Variants in NCOR2 observed in about 807,000 individuals in gnomAD.
The protein encoded by NCOR2 is CTG repeat protein 26.
In NCOR2, 81 loss-of-function variants were observed where a neutral mutation model predicts 262.9. The observed-to-expected ratio is 0.31, with a 90% CI of 0.26 to 0.37. The LOEUF (loss-of-function observed/expected upper bound fraction) is 0.37, where lower values mean the gene tolerates loss of function less well. Among genes scored for constraint, NCOR2 ranks in the 10% least tolerant of loss-of-function variants. The pLI is 1.00. For missense variants in NCOR2, 3,385 were observed against 3,621.4 expected (o/e 0.93, Z 1.68); for synonymous variants, 1,659 against 1,559.3 (o/e 1.06, Z -1.51).
At chr12:124,501,793 C>A (rs1409068541) in intron 1 of NCOR2, among the ~76,000 whole-genome samples, 1 of 152,230 alleles carries the variant, frequency 6.6e-6, no homozygotes, top group Non-Finnish European at 1.5e-5. Flanking sequence ...AGAACACTAC[C>A]TACTTCAGGA....
In NCOR2 at chr12:124,402,699, A is replaced by G. The variant is rs2042048946; in HGVS notation, c.1483-138T>C. On this transcript the variant is annotated intron_variant, in intron 13 of 46. Coordinates refer to ENST00000405201, the Ensembl canonical transcript of NCOR2. ...GGAGTCCACCCAGAAGAGGTCATAAACAACCGGGAAGCCAGGCCCCACTGG... is the reference window on the plus strand; with the variant it reads ...GGAGTCCACCCAGAAGAGGTCATAAGCAACCGGGAAGCCAGGCCCCACTGG... The G allele has an allele frequency of 5.5e-6, 8 of 1,461,400 alleles. No individual in the cohort carries two copies. The East Asian group carries it at 2.0e-4, about 36-fold the overall frequency. 90.5% of individuals were successfully genotyped at this position (1,461,400 alleles called of 1,614,324 possible).
chr12:124,451,152 G>C (rs2045501859), intron 6 of NCOR2, among the ~76,000 whole-genome samples: 1 of 152,250 alleles, frequency 6.6e-6, no homozygotes, highest in African/African-American at 2.4e-5. Flanking sequence ...GCCTAGCCTG[G>C]CCTGCAGGAA....
upstream of NCOR2, chr12:124,495,425 G>A (rs537779594): frequency 2.8e-5 from 37 of 1,307,018 alleles, 1 homozygote; most frequent in Middle Eastern, 2.8e-4. This position sits in a 1 kb window ranked among gnomAD's most constrained non-coding sequence, Gnocchi z 4.4. Flanking sequence ...TGGCTCCTCC[G>A]TGCACAGGTC....
intron 29 of NCOR2, 102 bp from the exon 32 acceptor site, chr12:124,348,013 TGATGGTGGAGTAG>T: frequency 6.9e-7 from 1 of 1,459,524 alleles, no homozygotes; most frequent in Non-Finnish European, 9.3e-7. Flanking sequence ...ATCCCCACGA[TGATGGTGGAGTAG>T]GACCCAGCAC....
In NCOR2 at chr12:124,454,734, A is replaced by G. The variant is rs1317881248; in HGVS notation, c.762+2372T>C. ...ACGGCCACTTTTCGGCCACTTTGGA[A>G]AACAGTTGGGCAGTTCCTCAAGGGG... On this transcript the variant is annotated intron_variant, in intron 6 of 46. Coordinates refer to ENST00000405201, the Ensembl canonical transcript of NCOR2. The surrounding 1 kb of genome is among the most constrained non-coding windows in gnomAD (Gnocchi z 5.6). Among the ~76,000 whole-genome samples, 5 of 151,674 alleles carry G rather than the reference A, an allele frequency of 3.3e-5. No homozygotes were observed. Among genetic ancestry groups the G allele is most frequent in the Admixed American group, 2.6e-4 (4 of 15,244 alleles).
intron 18 of NCOR2, among the ~76,000 whole-genome samples, chr12:124,375,685 G>T (rs1162172234): frequency 1.3e-5 from 2 of 152,146 alleles, no homozygotes; most frequent in African/African-American, 4.8e-5. Flanking sequence ...TTTGAACCCC[G>T]GTCACCAAAT....
intron 13 of NCOR2, among the ~76,000 whole-genome samples, chr12:124,414,022 C>G (rs1335330545): frequency 1.3e-5 from 2 of 152,072 alleles, no homozygotes; most frequent in Admixed American, 1.3e-4. Context: ...CAGCATCCGA[C>G]TCCCCACTGA....
At chr12:124,414,413 C>T (rs527590340) in intron 13 of NCOR2, among the ~76,000 whole-genome samples, 28 of 152,330 alleles carry the variant, frequency 1.8e-4, no homozygotes, top group African/African-American at 5.1e-4. Flanking sequence ...TCACCATCAT[C>T]GCCATCGCCA....
chr12:124,343,471 C>T (rs1270443429), intron 32 of NCOR2, among the ~76,000 whole-genome samples: 1 of 152,206 alleles, frequency 6.6e-6, no homozygotes, highest in African/African-American at 2.4e-5. Context: ...GCCTCTACTA[C>T]GTGGCAAGCA....
chr12:124,349,558 A>G (rs1264647623), intron 28 of NCOR2, among the ~76,000 whole-genome samples: 1 of 152,098 alleles, frequency 6.6e-6, no homozygotes, highest in East Asian at 1.9e-4. Flanking sequence ...GTGAGCAGGC[A>G]CCACAGTCCT....
chr12:124,337,866 G>C (rs2036024884), intron 37 of NCOR2, among the ~76,000 whole-genome samples: 1 of 152,214 alleles, frequency 6.6e-6, no homozygotes, highest in Non-Finnish European at 1.5e-5. Context: ...CGTTTCCATG[G>C]GGGCACCCCC....
chr12:124,506,816 G>A (rs1484826058), intron 1 of NCOR2, among the ~76,000 whole-genome samples: 2 of 152,200 alleles, frequency 1.3e-5, no homozygotes, highest in Non-Finnish European at 2.9e-5. Context: ...CACCAGCTGT[G>A]TAACCTGGGC....
chr12:124,460,428 A>G (rs1361361820), intron 5 of NCOR2, among the ~76,000 whole-genome samples: 5 of 152,192 alleles, frequency 3.3e-5, no homozygotes, highest in African/African-American at 1.2e-4. Context: ...CAGGACCAGA[A>G]GAGGCCAGCG....
rs372822014 is a variant in NCOR2 at position 124,353,947 on chromosome 12, G to C, written c.3693+146C>G. 27 of 745,906 alleles carry C rather than the reference G, an allele frequency of 3.6e-5. No individual in the cohort carries two copies. In the African/African-American group the frequency reaches 4.5e-4, roughly 12 times the overall value. 46.2% of individuals were successfully genotyped at this position (745,906 alleles called of 1,614,324 possible). On this transcript the variant is annotated intron_variant, in intron 27 of 46. Coordinates refer to ENST00000405201, the Ensembl canonical transcript of NCOR2. The stretch of plus-strand genomic sequence containing the variant: ...CCAGTGCCTGATTCCATGCAGACTA[G>C]ATGAAAGTTCATGGAGTGAACTGCT...
chr12:124,392,571 A>T (rs1281752429), intron 16 of NCOR2, among the ~76,000 whole-genome samples: 1 of 151,986 alleles, frequency 6.6e-6, no homozygotes, highest in Non-Finnish European at 1.5e-5. Context: ...GCAGACCCAA[A>T]CCCAGGAGCA....
At position 124,549,508 on chromosome 12, in the gene NCOR2, GCA is replaced by G. The variant is rs2051645863; in HGVS notation, c.-164-13899_-164-13898del. Among the ~76,000 whole-genome samples the G allele has an allele frequency of 6.6e-6, 1 of 152,050 alleles. No homozygotes were observed. Among genetic ancestry groups the G allele is most frequent in the Non-Finnish European group, 1.5e-5 (1 of 67,986 alleles). On this transcript the variant is annotated intron_variant, in intron 1 of 32. Transcript: ENST00000458234. This position sits in a 1 kb window ranked among gnomAD's most constrained non-coding sequence, Gnocchi z 4.4. The stretch of plus-strand genomic sequence containing the variant: ...TAGAAACCCCCACCCGCGAGGCCAG[GCA>G]CAGAGAAGGTACCAAGGGCTTCTGC...
chr12:124,476,984 G>A (rs1205691308), intron 3 of NCOR2, among the ~76,000 whole-genome samples: 1 of 151,728 alleles, frequency 6.6e-6, no homozygotes, highest in Non-Finnish European at 1.5e-5. Flanking sequence ...CTGAGTGGAA[G>A]TGGACAGACA....
intron 7 of NCOR2, among the ~76,000 whole-genome samples, chr12:124,439,769 C>T (rs935761707): frequency 1.5e-4 from 22 of 151,432 alleles, no homozygotes; most frequent in Non-Finnish European, 1.9e-4. Context: ...CACAGAGAGA[C>T]AAGATCCAAA....
chr12:124,398,005 C>T, intron 16 of NCOR2, 114 bp downstream of exon 18: 1 of 1,212,994 alleles, frequency 8.2e-7, no homozygotes, highest in South Asian at 1.2e-5. Context: ...TCACCAGAGG[C>T]CTCACCACAG....
Sources: gnomAD v4.1 joint callset for allele counts (sites outside exome capture counted in the v4.1 genomes callset) on GRCh38, gnomAD v4.1.1 for gene constraint, Gnocchi (gnomAD v3.1) non-coding constraint, MANE v1.5 for transcripts, NCBI Gene and HGNC (gene_info 2026-07-23, HGNC 2026-07-21) for gene names.